MAPRE3: variants seen among roughly 807,000 people sequenced by gnomAD.
MAPRE3 encodes microtubule-associated protein RP/EB family member 3.
MAPRE3 carries 2 observed loss-of-function variants against 30.5 expected under a neutral mutation model. The ratio of observed to expected loss-of-function variants is 0.07; its 90% CI spans 0.03 to 0.21. MAPRE3 has a LOEUF of 0.21. Among genes scored for constraint, MAPRE3 ranks in the 10% least tolerant of loss-of-function variants. MAPRE3 has a pLI of 1.00. For missense variants in MAPRE3, 204 were observed against 351.8 expected, an observed-to-expected ratio of 0.58 and a Z score of 3.36; for synonymous variants, 110 against 127.7, an observed-to-expected ratio of 0.86 and a Z score of 0.93.
intron 1 of MAPRE3, among the ~76,000 whole-genome samples, chr2:26,998,428 A>G (rs1346489365): frequency 6.6e-6 from 1 of 152,190 alleles, no homozygotes; most frequent in Non-Finnish European, 1.5e-5. Flanking sequence ...CCCAGAGGGG[A>G]GGAATATTAT....
At chr2:26,992,547 T>A (rs572026335) in intron 1 of MAPRE3, among the ~76,000 whole-genome samples, 5 of 126,312 alleles carry the variant, frequency 4.0e-5, no homozygotes, top group Non-Finnish European at 5.6e-5. Flanking sequence ...TTTTTTTTTT[T>A]TAATCCTGAC....
chr2:27,007,166 A>T (rs1285616227), intron 1 of MAPRE3, among the ~76,000 whole-genome samples: 1 of 152,224 alleles, frequency 6.6e-6, no homozygotes, highest in Non-Finnish European at 1.5e-5. Context: ...GTTGAGTCAT[A>T]ACACCAAAGG....
intron 3 of MAPRE3, 124 bp downstream of exon 3, chr2:27,023,601 C>A: frequency 8.5e-7 from 1 of 1,179,642 alleles, no homozygotes; most frequent in Non-Finnish European, 1.2e-6. Flanking sequence ...CTCCACCTCC[C>A]GACTCTCCAG....
At position 27,024,002 on chromosome 2, in the gene MAPRE3, G is replaced by C; in HGVS notation, c.268-94G>C. On this transcript the variant is annotated intron_variant, in intron 3 of 6. Transcript: ENST00000233121. ...AAGGTGGAGGACGCTGCAGCCCAGGGGCTGGCTTTCCTGAGAGCAGTGGCC... is the reference window on the plus strand; with the variant it reads ...AAGGTGGAGGACGCTGCAGCCCAGGCGCTGGCTTTCCTGAGAGCAGTGGCC... The C allele has an allele frequency of 4.2e-6, 4 of 953,704 alleles. No individual in the cohort carries two copies. The Middle Eastern group carries it at 7.4e-4, about 177-fold the overall frequency. The allele number at this position is 953,704 out of a possible 1,614,324, so 59.1% of individuals were successfully genotyped here.
At chr2:26,980,387 C>A (rs1666088898) in intron 1 of MAPRE3, among the ~76,000 whole-genome samples, 1 of 152,144 alleles carries the variant, frequency 6.6e-6, no homozygotes, top group Admixed American at 6.5e-5. Context: ...TAAAATAATT[C>A]TATTCTTTAT....
intron 1 of MAPRE3, chr2:26,995,483 T>C (rs1248792590): frequency 6.6e-6 from 1 of 152,182 alleles, no homozygotes; most frequent in African/African-American, 2.4e-5. Context: ...TACCAAAGAA[T>C]GATGGGATGT....
chr2:27,019,070 T>C lies in MAPRE3; in HGVS notation c.-7-3142T>C, dbSNP rs371695766. 3.2e-4 allele frequency among the ~76,000 whole-genome samples: 49 copies of C among 152,040 alleles called. No homozygotes were observed. In the South Asian group the frequency reaches 9.1e-3, roughly 28 times the overall value. Reference sequence around the variant, plus strand: ...TAGCTAGGATTACAGGCCTGGCTAATTTTAGTAGAGACAGGGTTTTGCCAT... The same window carrying C: ...TAGCTAGGATTACAGGCCTGGCTAACTTTAGTAGAGACAGGGTTTTGCCAT... On this transcript the variant is annotated intron_variant, in intron 1 of 6. Transcript: ENST00000233121.
rs1392031004 is a variant in MAPRE3 at position 27,025,982 on chromosome 2, G to A, written c.727G>A (p.Glu243Lys). The A allele has an allele frequency of 6.2e-7, 1 of 1,614,114 alleles. No homozygotes were observed. Among genetic ancestry groups the A allele is most frequent in the Non-Finnish European group, 8.5e-7 (1 of 1,180,054 alleles). ...IELICQEHES[E>K]NSPVISGIIG... is the part of the protein sequence containing the mutation. ...GCTCATCTGCCAGGAGCATGAAAGTGAAAACAGCCCTGTTATCTCAGGCAT... is the reference window on the plus strand; with the variant it reads ...GCTCATCTGCCAGGAGCATGAAAGTAAAAACAGCCCTGTTATCTCAGGCAT... The change falls in exon 6 of 7, where the codon GAA (glutamate) becomes AAA (lysine). Residue 243 changes from glutamate to lysine, a missense_variant. Glu to Lys is a moderately conservative substitution (Grantham distance 56). Around this residue, in one of 5 missense-constraint regions of MAPRE3, gnomAD observed 42 missense variants for 81.2 expected, o/e 0.52. Coordinates refer to ENST00000233121, the MANE Select transcript of MAPRE3 (RefSeq NM_012326.4).
At position 26,997,963 on chromosome 2, in the gene MAPRE3, G is replaced by A. The variant is rs75755990; in HGVS notation, c.-7-24249G>A. Among the ~76,000 whole-genome samples the A allele has an allele frequency of 2.9e-3, 440 of 152,294 alleles. 3 individuals are homozygous for A. Among genetic ancestry groups the A allele is most frequent in the African/African-American group, 0.01 (423 of 41,548 alleles). On this transcript the variant is annotated intron_variant, in intron 1 of 6. Coordinates refer to ENST00000233121, the MANE Select transcript of MAPRE3 (RefSeq NM_012326.4). ...TGACCCCGATAGGGCATGCCCACAGGGTGTCATCAGCTTGAAGACCTGCCA... is the reference window on the plus strand; with the variant it reads ...TGACCCCGATAGGGCATGCCCACAGAGTGTCATCAGCTTGAAGACCTGCCA...
At position 27,026,405 on chromosome 2, in the gene MAPRE3, A is replaced by C; in HGVS notation, c.*57A>C. ...TTCCCCGTGCCTCCCTCCCTGCTCC[A>C]CTCCCACATTATAGTCCTTTCCTAA... On this transcript the variant is annotated 3_prime_UTR_variant, in exon 7 of 7. Coordinates refer to ENST00000233121, the MANE Select transcript of MAPRE3 (RefSeq NM_012326.4). The C allele has an allele frequency of 7.1e-7, 1 of 1,407,746 alleles. No homozygotes were observed. Among genetic ancestry groups the C allele is most frequent in the East Asian group, 2.3e-5 (1 of 43,786 alleles). The allele number at this position is 1,407,746 out of a possible 1,614,324, so 87.2% of individuals were successfully genotyped here. A position where few individuals can be genotyped will look rare whatever the true frequency, so the allele number is the denominator to read the frequency against.
chr2:26,976,145 T>C (rs1666009782), intron 1 of MAPRE3, among the ~76,000 whole-genome samples: 1 of 152,198 alleles, frequency 6.6e-6, no homozygotes, highest in African/African-American at 2.4e-5. Flanking sequence ...GCTGGCACAC[T>C]GTGTAGCTAA....
chr2:27,009,110 G>A (rs1666794642), intron 1 of MAPRE3, among the ~76,000 whole-genome samples: 1 of 152,100 alleles, frequency 6.6e-6, no homozygotes, highest in South Asian at 2.1e-4. Context: ...TATAGAACAG[G>A]TCTGTATTCT....
At position 27,000,916 on chromosome 2, in the gene MAPRE3, A is replaced by G. The variant is rs186316333; in HGVS notation, c.-7-21296A>G. Among the ~76,000 whole-genome samples the G allele has an allele frequency of 2.4e-4, 37 of 152,356 alleles. 2 individuals are homozygous for G. Among genetic ancestry groups the G allele is most frequent in the Admixed American group, 2.6e-4 (4 of 15,308 alleles). On this transcript the variant is annotated intron_variant, in intron 1 of 6. Transcript: ENST00000233121. ...GACCACAAGATTTATCCAATTATTT[A>G]TCTACCTTGTTTTATTTTTTAATAT...
chr2:27,025,651 C>G lies in MAPRE3; in HGVS notation c.538C>G (p.Pro180Ala), dbSNP rs751778500. The G allele has an allele frequency of 6.8e-6, 11 of 1,611,160 alleles. No homozygotes were observed. Among genetic ancestry groups the G allele is most frequent in the South Asian group, 3.3e-5 (3 of 90,570 alleles). The change falls in exon 5 of 7, where the codon CCC becomes GCC. Residue 180 changes from proline to alanine, a missense_variant. Pro to Ala is a conservative substitution (Grantham distance 27). Coordinates refer to ENST00000233121, the MANE Select transcript of MAPRE3 (RefSeq NM_012326.4). ...CTCTGGCCGGCTGAGCAATGTGGCC[C>G]CCCCCTGCATTCTCCGGAAGAATCC... ...QTSGRLSNVA[P>A]PCILRKNPPS... is the part of the protein sequence containing the mutation.
chr2:26,981,174 T>C (rs1183070913), intron 1 of MAPRE3, among the ~76,000 whole-genome samples: 1 of 152,172 alleles, frequency 6.6e-6, no homozygotes, highest in Non-Finnish European at 1.5e-5. Flanking sequence ...TTATTGTGAA[T>C]GCTGCATTGG....
intron 4 of MAPRE3, among the ~76,000 whole-genome samples, 161 bp downstream of exon 4, chr2:27,024,458 A>C (rs1223392661): frequency 6.6e-6 from 1 of 152,032 alleles, no homozygotes; most frequent in Admixed American, 6.5e-5. Flanking sequence ...AGACCGGGGG[A>C]GTGAAAGTAG....
chr2:27,006,733 C>T (rs762577166), intron 1 of MAPRE3, among the ~76,000 whole-genome samples: 1 of 152,180 alleles, frequency 6.6e-6, no homozygotes, highest in African/African-American at 2.4e-5. Flanking sequence ...CATGCCTGGC[C>T]AAGCAAGTTT....
chr2:26,997,400 G>A (rs887948600), intron 1 of MAPRE3, among the ~76,000 whole-genome samples: 5 of 151,970 alleles, frequency 3.3e-5, no homozygotes, highest in Non-Finnish European at 5.9e-5. Context: ...TTGTGTTAGC[G>A]TATGTTATGT....
chr2:26,973,602 C>T (rs1190338119), intron 1 of MAPRE3, among the ~76,000 whole-genome samples: 1 of 148,532 alleles, frequency 6.7e-6, no homozygotes, highest in Non-Finnish European at 1.5e-5. Flanking sequence ...GGCCGGACTG[C>T]GGACTGCAGT....
Sources: allele counts gnomAD v4.1 joint callset (sites outside exome capture counted in the v4.1 genomes callset), GRCh38; gene constraint gnomAD v4.1.1; regional missense constraint gnomAD v4.1.1; transcripts MANE v1.5; gene names NCBI Gene and HGNC (gene_info 2026-07-23, HGNC 2026-07-21).